LCLAT1: variants seen among roughly 807,000 people sequenced by gnomAD.
LCLAT1 encodes the protein lysocardiolipin acyltransferase 1, also known as 1-AGP acyltransferase 8.
In LCLAT1, 11 loss-of-function variants were observed where a neutral mutation model predicts 30.7. The observed-to-expected ratio is 0.36, with a 90% confidence interval of 0.23 to 0.59. The LOEUF (loss-of-function observed/expected upper bound fraction) is 0.59, where lower values mean the gene tolerates loss of function less well. LCLAT1 is among the 20% of genes least tolerant of loss of function. The pLI, the probability that LCLAT1 is intolerant of heterozygous loss-of-function variation, is 0.77. For missense variants in LCLAT1, 402 were observed against 458.6 expected (o/e 0.88, Z 1.13); for synonymous variants, 155 against 151.3 (o/e 1.02, Z -0.18).
At chr2:30,547,786 G>A (rs1408762752) in intron 3 of LCLAT1, among the ~76,000 whole-genome samples, 3 of 152,004 alleles carry the variant, frequency 2.0e-5, no homozygotes, top group South Asian at 2.1e-4. Context: ...CGTGAGAAGC[G>A]TAAACCCAAA....
intron 1 of LCLAT1, among the ~76,000 whole-genome samples, chr2:30,449,035 G>A (rs939804631): frequency 3.9e-5 from 6 of 152,028 alleles, no homozygotes; most frequent in Admixed American, 3.3e-4. Flanking sequence ...TGCCAACTCA[G>A]TCATCTAGCA....
intron 5 of LCLAT1, among the ~76,000 whole-genome samples, chr2:30,593,123 T>G (rs1024623663): frequency 3.3e-5 from 5 of 152,178 alleles, no homozygotes; most frequent in African/African-American, 1.2e-4. Context: ...CTCCATGAGA[T>G]CCACTTTTTT....
At chr2:30,525,986 GA>G (rs936127953) in intron 2 of LCLAT1, among the ~76,000 whole-genome samples, 3 of 151,944 alleles carry the variant, frequency 2.0e-5, no homozygotes, top group South Asian at 2.1e-4. Flanking sequence ...GAATGACAGG[GA>G]AAAAAAATCT....
intron 1 of LCLAT1, among the ~76,000 whole-genome samples, chr2:30,461,952 T>C (rs1197364680): frequency 7.3e-5 from 11 of 151,328 alleles, no homozygotes; most frequent in African/African-American, 1.5e-4. Flanking sequence ...TTTGTGTTTT[T>C]TAGTAGAGAC....
intron 1 of LCLAT1, among the ~76,000 whole-genome samples, chr2:30,490,301 C>G (rs1290230692): frequency 6.7e-6 from 1 of 150,114 alleles, no homozygotes; most frequent in Non-Finnish European, 1.5e-5. Flanking sequence ...CTCCCAGGTT[C>G]AAGTGATTGT....
At chr2:30,578,172 A>G (rs1666073304) in intron 5 of LCLAT1, among the ~76,000 whole-genome samples, 1 of 152,134 alleles carries the variant, frequency 6.6e-6, no homozygotes, top group Non-Finnish European at 1.5e-5. Flanking sequence ...TGCATTGTAT[A>G]AATGTAGTCT....
At chr2:30,517,806 T>C (rs1477343998) in intron 1 of LCLAT1, among the ~76,000 whole-genome samples, 1 of 152,014 alleles carries the variant, frequency 6.6e-6, no homozygotes, top group Non-Finnish European at 1.5e-5. Flanking sequence ...AAGAAAAAAG[T>C]GTACCCTATT....
At chr2:30,611,903 C>T (rs1667757585) in intron 5 of LCLAT1, among the ~76,000 whole-genome samples, 1 of 151,998 alleles carries the variant, frequency 6.6e-6, no homozygotes, top group African/African-American at 2.4e-5. Context: ...CATAAGGCAG[C>T]AATTACTGTT....
chr2:30,511,771 T>C (rs970650397), intron 1 of LCLAT1, among the ~76,000 whole-genome samples: 2 of 152,204 alleles, frequency 1.3e-5, no homozygotes, highest in African/African-American at 4.8e-5. Context: ...CTCTAGAGAA[T>C]AGACATGCAA....
At chr2:30,627,277 G>A (rs906680934) in intron 5 of LCLAT1, among the ~76,000 whole-genome samples, 8 of 152,114 alleles carry the variant, frequency 5.3e-5, no homozygotes, top group African/African-American at 1.9e-4. Context: ...GTACTCTGGG[G>A]TTACAATCTT....
intron 1 of LCLAT1, among the ~76,000 whole-genome samples, chr2:30,491,751 A>G (rs993422604): frequency 1.3e-5 from 2 of 152,204 alleles, no homozygotes; most frequent in Non-Finnish European, 2.9e-5. Context: ...ATTTTAGCCT[A>G]TTAATTGCAT....
At position 30,505,367 on chromosome 2, in the gene LCLAT1, G is replaced by A. The variant is rs988217076; in HGVS notation, c.-4-20220G>A. On this transcript the variant is annotated intron_variant, in intron 1 of 5. Coordinates refer to ENST00000379509, the MANE Select transcript of LCLAT1 (RefSeq NM_001002257.3). ...TTTTTTTAACAATCTACAGGAGAGG[G>A]GAATGGAGTTTTATTGTTTTAATTT... is the stretch of plus-strand genomic sequence containing the variant. 8.0e-5 allele frequency among the ~76,000 whole-genome samples: 12 copies of A among 150,036 alleles called. No individual in the cohort carries two copies. In the East Asian group the frequency reaches 2.3e-3, roughly 29 times the overall value.
intron 1 of LCLAT1, among the ~76,000 whole-genome samples, chr2:30,465,322 G>C (rs998317254): frequency 6.6e-6 from 1 of 152,158 alleles, no homozygotes; most frequent in African/African-American, 2.4e-5. Context: ...CATTCCCACA[G>C]CCATCAACAG....
chr2:30,644,162 A>G lies in LCLAT1; in HGVS notation c.*3543A>G, dbSNP rs1558579885. The G allele has an allele frequency of 6.6e-6, 1 of 152,156 alleles. No individual in the cohort carries two copies. Among genetic ancestry groups the G allele is most frequent in the African/African-American group, 2.4e-5 (1 of 41,432 alleles). The allele number at this position is 152,156 out of a possible 1,614,324, so 9.4% of individuals were successfully genotyped here. On this transcript the variant is annotated 3_prime_UTR_variant, in exon 6 of 6. Transcript: ENST00000379509. Reference sequence around the variant, plus strand: ...GCCTTAGTTTTCAATGTCTGATGGTATATTTGTGAGTTGTGTTATCTGTAA... The same window carrying G: ...GCCTTAGTTTTCAATGTCTGATGGTGTATTTGTGAGTTGTGTTATCTGTAA...
intron 3 of LCLAT1, among the ~76,000 whole-genome samples, chr2:30,537,212 T>C (rs1686289280): frequency 6.6e-6 from 1 of 151,516 alleles, no homozygotes; most frequent in African/African-American, 2.4e-5. Flanking sequence ...AAACCCCGTC[T>C]CTACTAAAAA....
intron 5 of LCLAT1, among the ~76,000 whole-genome samples, chr2:30,585,693 C>T (rs1463384987): frequency 6.6e-6 from 1 of 152,156 alleles, no homozygotes; most frequent in African/African-American, 2.4e-5. Flanking sequence ...TCTCTCTTAT[C>T]GGTTATACTC....
chr2:30,575,685 T>TAC (rs751015837), intron 5 of LCLAT1, among the ~76,000 whole-genome samples: 1 of 152,166 alleles, frequency 6.6e-6, no homozygotes, highest in Non-Finnish European at 1.5e-5. Context: ...GGAAGAGAAT[T>TAC]ACAGAAACAC....
intron 5 of LCLAT1, among the ~76,000 whole-genome samples, chr2:30,579,321 G>A (rs532233128): frequency 6.6e-6 from 1 of 152,186 alleles, no homozygotes; most frequent in East Asian, 1.9e-4. Flanking sequence ...ATACATTAAA[G>A]GTGTTTATAT....
At chr2:30,526,047 T>G (rs1685703869) in intron 2 of LCLAT1, among the ~76,000 whole-genome samples, 1 of 152,236 alleles carries the variant, frequency 6.6e-6, no homozygotes, top group South Asian at 2.1e-4. Context: ...TGAATATATT[T>G]GATCCATGAT....
Sources: gnomAD v4.1 joint callset for allele counts (sites outside exome capture counted in the v4.1 genomes callset) on GRCh38, gnomAD v4.1.1 for gene constraint, MANE v1.5 for transcripts, NCBI Gene and HGNC (gene_info 2026-07-23, HGNC 2026-07-21) for gene names.